SMPD3: variants seen among roughly 807,000 people sequenced by gnomAD.
SMPD3 encodes the protein nSMase-2.
Under a neutral mutation model 55.7 loss-of-function variants are expected in SMPD3, and 21 were observed. That is an observed-to-expected ratio of 0.38 (90% CI 0.27 to 0.54). The LOEUF is 0.54. Among genes scored for constraint, SMPD3 ranks in the 20% least tolerant of loss-of-function variants. The pLI is 0.80. For missense variants in SMPD3, 842 were observed against 899.6 expected, an observed-to-expected ratio of 0.94 and a Z score of 0.82; for synonymous variants, 457 against 404.3, an observed-to-expected ratio of 1.13 and a Z score of -1.56.
Position 68,358,342 on chromosome 16 carries a change from T to C in SMPD3, c.*2864A>G, listed in dbSNP as rs1185031779. On this transcript the variant is annotated 3_prime_UTR_variant, in exon 9 of 9. Transcript: ENST00000219334. ...AACACCAGCCTTGAGCCTCACAGTT[T>C]TATTTTCTCCTCGTTATCCATCCTT... 6.5e-6 allele frequency: 1 copy of C among 152,780 alleles called. No individual in the cohort carries two copies. The highest frequency in any genetic ancestry group is 1.9e-4 in the East Asian group (1 of 5,332). 9.5% of individuals were successfully genotyped at this position (152,780 alleles called of 1,614,324 possible). A position where few individuals can be genotyped will look rare whatever the true frequency, so the allele number is the denominator to read the frequency against.
At chr16:68,413,248 T>C (rs1190309145) in intron 1 of SMPD3, among the ~76,000 whole-genome samples, 1 of 152,234 alleles carries the variant, frequency 6.6e-6, no homozygotes, top group Non-Finnish European at 1.5e-5. Context: ...CTGGCCTCCA[T>C]AGCTTTGGCC....
At chr16:68,364,436 C>A in intron 5 of SMPD3, 1 of 310,054 alleles carries the variant, frequency 3.2e-6, no homozygotes, top group Non-Finnish European at 5.9e-6. Flanking sequence ...GCAGCTGGCT[C>A]GAAGCAAGAG....
Position 68,361,221 on chromosome 16 carries a change from C to G in SMPD3, c.1953G>C (p.Gly651=), listed in dbSNP as rs368645229. The change falls in exon 9 of 9, where the codon GGG becomes GGC. Residue 651 remains glycine, a synonymous_variant. Transcript: ENST00000219334. ...PVAMRLMVSS[G]EEEA ...TCCGGACGGTCTATGCCTCCTCCTCCCCCGAAGACACCATCAGTCGCATGG... is the reference window on the plus strand; with the variant it reads ...TCCGGACGGTCTATGCCTCCTCCTCGCCCGAAGACACCATCAGTCGCATGG... The G allele has an allele frequency of 6.2e-7, 1 of 1,613,686 alleles. No homozygotes were observed. Among genetic ancestry groups the G allele is most frequent in the Non-Finnish European group, 8.5e-7 (1 of 1,179,922 alleles).
At chr16:68,441,475 A>G (rs73551978) in intron 1 of SMPD3, among the ~76,000 whole-genome samples, 1,781 of 152,356 alleles carry the variant, frequency 0.012, 49 homozygotes, top group African/African-American at 0.041. Flanking sequence ...TGGCCACATT[A>G]TAAAAGTAAA....
chr16:68,364,133 G>A (rs1431814405), intron 5 of SMPD3, among the ~76,000 whole-genome samples: 4 of 152,202 alleles, frequency 2.6e-5, no homozygotes, highest in Admixed American at 2.6e-4. Context: ...ACGGTCCTCG[G>A]ACAGAGGAAG....
At chr16:68,397,774 G>A (rs72792243) in intron 1 of SMPD3, among the ~76,000 whole-genome samples, 8,004 of 152,174 alleles carry the variant, frequency 0.053, 295 homozygotes, top group Non-Finnish European at 0.08. Context: ...TTGCGGGGGC[G>A]GGGGGTGGTC....
chr16:68,438,008 A>G (rs913504344), intron 1 of SMPD3, among the ~76,000 whole-genome samples: 2 of 152,142 alleles, frequency 1.3e-5, no homozygotes, highest in African/African-American at 4.8e-5. Context: ...TGCAACCAAA[A>G]AGGGATGTGG....
intron 1 of SMPD3, among the ~76,000 whole-genome samples, chr16:68,443,583 A>G (rs1299026843): frequency 6.6e-6 from 1 of 152,094 alleles, no homozygotes; most frequent in African/African-American, 2.4e-5. Context: ...AAAATTTTCC[A>G]CAGTGGAAAG....
chr16:68,443,312 A>C (rs2090582819), intron 1 of SMPD3, among the ~76,000 whole-genome samples: 3 of 152,248 alleles, frequency 2.0e-5, no homozygotes, highest in Admixed American at 2.0e-4. Flanking sequence ...GCTGAGGCCC[A>C]CACAGTGAAA....
At chr16:68,441,784 A>T (rs1232235932) in intron 1 of SMPD3, among the ~76,000 whole-genome samples, 4 of 152,066 alleles carry the variant, frequency 2.6e-5, no homozygotes, top group Admixed American at 1.3e-4. Flanking sequence ...ATTAAAAAAA[A>T]TTTTAGAATC....
intron 7 of SMPD3, among the ~76,000 whole-genome samples, chr16:68,362,605 G>A (rs1226775033): frequency 1.3e-5 from 2 of 152,260 alleles, no homozygotes; most frequent in Admixed American, 6.5e-5. Flanking sequence ...TGCAAAGGCC[G>A]CCAGGTCTGT....
intron 1 of SMPD3, among the ~76,000 whole-genome samples, chr16:68,436,701 A>G (rs572663209): frequency 1.0e-3 from 155 of 152,272 alleles, no homozygotes; most frequent in Admixed American, 3.3e-3. Context: ...CAGTGGAAAA[A>G]CTGTACTTTG....
intron 1 of SMPD3, among the ~76,000 whole-genome samples, chr16:68,433,550 T>G (rs189951452): frequency 3.9e-5 from 6 of 152,354 alleles, no homozygotes; most frequent in Admixed American, 3.3e-4. Flanking sequence ...AGATGGGGTA[T>G]GCAAGGAGAC....
intron 3 of SMPD3, among the ~76,000 whole-genome samples, chr16:68,370,562 C>A (rs1397982469): frequency 1.3e-5 from 2 of 152,002 alleles, no homozygotes; most frequent in Admixed American, 6.6e-5. Flanking sequence ...CCACTCCCAC[C>A]CTCTCTCCAC....
chr16:68,432,476 A>G (rs2090488243), intron 1 of SMPD3, among the ~76,000 whole-genome samples: 1 of 152,234 alleles, frequency 6.6e-6, no homozygotes, highest in African/African-American at 2.4e-5. Flanking sequence ...ACTTAAGTTT[A>G]TTTTTGTCCT....
At chr16:68,386,178 C>T (rs533322973) in intron 2 of SMPD3, among the ~76,000 whole-genome samples, 1 of 150,760 alleles carries the variant, frequency 6.6e-6, no homozygotes, top group African/African-American at 2.4e-5. Flanking sequence ...GCTGAGATTG[C>T]ACCACTGCAC....
intron 5 of SMPD3, 97 bp downstream of exon 5, chr16:68,364,654 G>A (rs1357543622): frequency 7.3e-7 from 1 of 1,366,570 alleles, no homozygotes; most frequent in Admixed American, 2.2e-5. Context: ...CGAGGAGCAG[G>A]AATTCTTTGA....
At chr16:68,417,102 C>A (rs1159580673) in intron 1 of SMPD3, among the ~76,000 whole-genome samples, 1 of 152,140 alleles carries the variant, frequency 6.6e-6, no homozygotes, top group Non-Finnish European at 1.5e-5. Flanking sequence ...AGGCAAACTG[C>A]CTCACTCAAA....
At position 68,363,887 on chromosome 16, in the gene SMPD3, C is replaced by T. The variant is rs777917672; in HGVS notation, c.1556-21G>A. On this transcript the variant is annotated intron_variant, in intron 5 of 8. Transcript: ENST00000219334. ...GTCGTCTGTGCGGGGAGGGAGGAAACGCTGAGGCACCAGGGGGCTTTGCTG... is the reference window on the plus strand; with the variant it reads ...GTCGTCTGTGCGGGGAGGGAGGAAATGCTGAGGCACCAGGGGGCTTTGCTG... 38 of 1,547,488 alleles carry T rather than the reference C, an allele frequency of 2.5e-5. No homozygotes were observed. In the East Asian group the frequency reaches 4.8e-4, roughly 20 times the overall value.
Sources: gnomAD v4.1 joint callset for allele counts (sites outside exome capture counted in the v4.1 genomes callset) on GRCh38, gnomAD v4.1.1 for gene constraint, MANE v1.5 for transcripts, NCBI Gene and HGNC (gene_info 2026-07-23, HGNC 2026-07-21) for gene names.